The following PRKG1 variants were observed in gnomAD, a reference collection of about 807,000 sequenced individuals.
PRKG1 encodes the protein cGMP-dependent protein kinase 1.
In PRKG1, 35 loss-of-function variants were observed where a neutral mutation model predicts 88.1. That is an observed-to-expected ratio of 0.40 (90% confidence interval 0.30 to 0.53). PRKG1 has a LOEUF of 0.53. PRKG1 is among the 20% of genes least tolerant of loss of function. The pLI, the probability that PRKG1 is intolerant of heterozygous loss-of-function variation, is 0.59. For synonymous variants in PRKG1, 303 were observed against 292.5 expected (o/e 1.04, Z -0.37); for missense variants, 540 against 839.8 (o/e 0.64, Z 4.41).
intron 2 of PRKG1, among the ~76,000 whole-genome samples, chr10:51,230,851 T>C (rs1838825997): frequency 6.6e-6 from 1 of 151,994 alleles, no homozygotes; most frequent in South Asian, 2.1e-4. Context: ...ATTTGATCCA[T>C]GATTGGTTAA....
At chr10:52,270,310 G>A (rs4935034) in intron 10 of PRKG1, among the ~76,000 whole-genome samples, 4,496 of 152,158 alleles carry the variant, frequency 0.03, 292 homozygotes, top group East Asian at 0.24. Flanking sequence ...AAGACAGTGT[G>A]GCGATTCCTC....
chr10:52,049,163 A>G (rs933741401), intron 5 of PRKG1, among the ~76,000 whole-genome samples: 1 of 152,202 alleles, frequency 6.6e-6, no homozygotes, highest in Non-Finnish European at 1.5e-5. Flanking sequence ...TTCTACTATC[A>G]CAGAAATACA....
chr10:51,333,249 G>T (rs528000780), intron 2 of PRKG1, among the ~76,000 whole-genome samples: 29 of 152,286 alleles, frequency 1.9e-4, no homozygotes, highest in African/African-American at 6.7e-4. Flanking sequence ...TGTGACACTG[G>T]CTATCTAATT....
intron 3 of PRKG1, among the ~76,000 whole-genome samples, chr10:51,626,864 A>G (rs981292416): frequency 1.3e-5 from 2 of 152,126 alleles, no homozygotes; most frequent in Non-Finnish European, 1.5e-5. Context: ...TTTTAATCCC[A>G]TAAGGCTAGA....
chr10:51,627,879 C>CCTTCCCTTCCTTCCCTTCCTTCCCTT (rs1839378569), intron 3 of PRKG1, among the ~76,000 whole-genome samples: 4 of 72,002 alleles, frequency 5.6e-5, no homozygotes, highest in Admixed American at 2.9e-4. Flanking sequence ...TCCTTCCCTT[C>CCTTCCCTTCCTTCCCTTCCTTCCCTT]CCTTCCCTTC....
rs1344331352 is a variant in PRKG1, at chr10:52,292,768, A to G, written c.1963-1034A>G. 2.0e-5 allele frequency among the ~76,000 whole-genome samples: 3 copies of G among 152,126 alleles called. No homozygotes were observed. In the East Asian group the frequency reaches 5.8e-4, roughly 30 times the overall value. On this transcript the variant is annotated intron_variant, in intron 17 of 17. Coordinates refer to ENST00000373980, the MANE Select transcript of PRKG1 (RefSeq NM_006258.4). ...TATTGATGGGACATATCTCAAAATA[A>G]TAAGAGCTATCTATGACAAACCCAC...
intron 3 of PRKG1, among the ~76,000 whole-genome samples, chr10:51,590,347 G>A (rs1564563816): frequency 6.6e-6 from 1 of 152,136 alleles, no homozygotes; most frequent in Non-Finnish European, 1.5e-5. Flanking sequence ...TGGAGAATAG[G>A]TGGCATATGG....
chr10:52,191,613 C>T (rs1839366339), intron 9 of PRKG1, among the ~76,000 whole-genome samples: 2 of 152,090 alleles, frequency 1.3e-5, no homozygotes, highest in African/African-American at 4.8e-5. Context: ...TTGTTTTCTA[C>T]TTTTTGGGCA....
chr10:52,091,101 G>T (rs1328253978), intron 7 of PRKG1, among the ~76,000 whole-genome samples: 8 of 152,152 alleles, frequency 5.3e-5, no homozygotes, highest in Admixed American at 5.2e-4. Context: ...TCAGGAGTCT[G>T]TAATGAAGGT....
chr10:52,005,021 T>C (rs1844695513), intron 5 of PRKG1, among the ~76,000 whole-genome samples: 1 of 152,180 alleles, frequency 6.6e-6, no homozygotes. Context: ...CTTTCAGTTA[T>C]AGTTTTAGGA....
chr10:51,188,998 A>G (rs567476191), intron 2 of PRKG1, among the ~76,000 whole-genome samples: 2 of 152,012 alleles, frequency 1.3e-5, no homozygotes, highest in South Asian at 2.1e-4. Flanking sequence ...CTAATGTATC[A>G]CTGGAAAGTA....
chr10:51,991,266 G>T (rs527428225), intron 5 of PRKG1, among the ~76,000 whole-genome samples: 2 of 152,190 alleles, frequency 1.3e-5, no homozygotes. Flanking sequence ...ATGTAAGATT[G>T]TTCTGTCTGC....
chr10:51,506,446 A>G (rs891661679), intron 3 of PRKG1, among the ~76,000 whole-genome samples: 1 of 152,226 alleles, frequency 6.6e-6, no homozygotes, highest in African/African-American at 2.4e-5. Context: ...AATGAACTCA[A>G]ACAGATTTAC....
intron 3 of PRKG1, among the ~76,000 whole-genome samples, chr10:51,690,772 A>G (rs1841116669): frequency 6.6e-6 from 1 of 151,816 alleles, no homozygotes; most frequent in African/African-American, 2.4e-5. Context: ...CTAAAAATAC[A>G]AAAATTAGCT....
intron 7 of PRKG1, among the ~76,000 whole-genome samples, chr10:52,086,292 A>C (rs1017096529): frequency 6.6e-6 from 1 of 152,010 alleles, no homozygotes; most frequent in Non-Finnish European, 1.5e-5. Flanking sequence ...AAGTGAGTAG[A>C]TACATGTCTG....
rs1845982650 is a variant in PRKG1 at position 51,148,077 on chromosome 10, T to C, written c.312-5087T>C. Among the ~76,000 whole-genome samples, 2 of 152,178 alleles carry C rather than the reference T, an allele frequency of 1.3e-5. 1 individual carries two copies. On this transcript the variant is annotated intron_variant, in intron 1 of 17. Coordinates refer to ENST00000373980, the MANE Select transcript of PRKG1 (RefSeq NM_006258.4). ...CAACAGGACTACCAATTTTCTTTCT[T>C]ATAGGTATTAATCAAATATTTCACA...
chr10:51,167,106 A>C lies in PRKG1; in HGVS notation c.478+13776A>C, dbSNP rs145364695. Among the ~76,000 whole-genome samples the C allele has an allele frequency of 2.8e-3, 432 of 152,310 alleles. 4 individuals are homozygous for C. The highest frequency in any genetic ancestry group is 1.9e-3 in the Non-Finnish European group (127 of 68,016). ...CATTCTGGTGATGGTGGCAGGGGAAAAAGATAAAACTGTGTACGGAAATAA... is the reference window on the plus strand; with the variant it reads ...CATTCTGGTGATGGTGGCAGGGGAACAAGATAAAACTGTGTACGGAAATAA... On this transcript the variant is annotated intron_variant, in intron 2 of 17. Transcript: ENST00000373980.
chr10:51,466,467 C>T (rs1839909218), intron 2 of PRKG1, among the ~76,000 whole-genome samples: 1 of 151,976 alleles, frequency 6.6e-6, no homozygotes, highest in African/African-American at 2.4e-5. Flanking sequence ...CTGCAGAATT[C>T]TCTCTTCATT....
intron 5 of PRKG1, among the ~76,000 whole-genome samples, chr10:51,952,722 T>C (rs1055448813): frequency 6.6e-6 from 1 of 152,194 alleles, no homozygotes; most frequent in African/African-American, 2.4e-5. Flanking sequence ...GACATGAATA[T>C]GAGTTCCAAC....
Sources: gnomAD v4.1 joint callset for allele counts (sites outside exome capture counted in the v4.1 genomes callset) on GRCh38, gnomAD v4.1.1 for gene constraint, MANE v1.5 for transcripts, NCBI Gene and HGNC (gene_info 2026-07-23, HGNC 2026-07-21) for gene names.